PKHD1: variants seen among roughly 807,000 people sequenced by gnomAD.
PKHD1 encodes the protein fibrocystin.
In PKHD1, 291 loss-of-function variants were observed where a neutral mutation model predicts 412.0. The ratio of observed to expected loss-of-function variants is 0.71; its 90% CI spans 0.64 to 0.78. The LOEUF (loss-of-function observed/expected upper bound fraction) is 0.78. Ranked by LOEUF, PKHD1 falls within the 30% of genes least tolerant of loss-of-function variation. The pLI, the probability that PKHD1 is intolerant of heterozygous loss-of-function variation, is 0.00. For synonymous variants in PKHD1, 1,777 were observed against 1,821.5 expected (o/e 0.98, Z 0.62); for missense variants, 4,825 against 4,950.7 (o/e 0.97, Z 0.76).
At chr6:51,981,019 A>G (rs973557564) in intron 35 of PKHD1, among the ~76,000 whole-genome samples, 12 of 152,130 alleles carry the variant, frequency 7.9e-5, no homozygotes, top group African/African-American at 2.9e-4. Context: ...CTGTTGGAGG[A>G]AAAAATAAAA....
chr6:51,671,743 T>C (rs2150506500), intron 60 of PKHD1, among the ~76,000 whole-genome samples: 1 of 152,278 alleles, frequency 6.6e-6, no homozygotes, highest in South Asian at 2.1e-4. Context: ...ATGTCCTTTC[T>C]GTTTGTTAGT....
intron 61 of PKHD1, among the ~76,000 whole-genome samples, chr6:51,653,399 T>C (rs1166102597): frequency 6.6e-6 from 1 of 152,106 alleles, no homozygotes; most frequent in Admixed American, 6.6e-5. Flanking sequence ...AAGCCTGGCA[T>C]GTTGTAAGCA....
chr6:51,727,010 T>G (rs1416764249), intron 60 of PKHD1, among the ~76,000 whole-genome samples: 1 of 152,054 alleles, frequency 6.6e-6, no homozygotes, highest in Non-Finnish European at 1.5e-5. Flanking sequence ...GCGGGAGAGA[T>G]TCAAAGCATG....
rs1450624700 is a variant in PKHD1 at position 51,746,865 on chromosome 6, T to C, written c.9854A>G (p.Lys3285Arg). The change falls in exon 59 of 67, where the codon AAG becomes AGG. Residue 3285 changes from lysine to arginine, a missense_variant. By Grantham distance (26) the Lys-to-Arg change is conservative. Coordinates refer to ENST00000371117, the MANE Select transcript of PKHD1 (RefSeq NM_138694.4). Reference sequence around the variant, plus strand: ...ATCCAGGTCATCGCTATAGCAACTCTTCACAAAACTAGAAAAGGTAACATC... The same window carrying C: ...ATCCAGGTCATCGCTATAGCAACTCCTCACAAAACTAGAAAAGGTAACATC... ...LQDVTFSSFV[K>R]SCYSDDLDVC... 1.9e-6 allele frequency: 3 copies of C among 1,606,842 alleles called. No individual in the cohort carries two copies. Among genetic ancestry groups the C allele is most frequent in the Non-Finnish European group, 1.7e-6 (2 of 1,174,824 alleles).
At chr6:51,728,049 T>C (rs751230884) in intron 60 of PKHD1, among the ~76,000 whole-genome samples, 5 of 152,188 alleles carry the variant, frequency 3.3e-5, no homozygotes, top group African/African-American at 4.8e-5. Context: ...CTCCCATGCC[T>C]TATGCACATT....
chr6:51,732,382 C>A (rs1481903974), intron 60 of PKHD1, among the ~76,000 whole-genome samples: 2 of 152,044 alleles, frequency 1.3e-5, no homozygotes, highest in African/African-American at 4.8e-5. Flanking sequence ...ATTTGCAAAT[C>A]ATATGTCTAG....
At chr6:52,056,379 G>A (rs1807726443) in intron 18 of PKHD1, among the ~76,000 whole-genome samples, 1 of 151,948 alleles carries the variant, frequency 6.6e-6, no homozygotes, top group African/African-American at 2.4e-5. Context: ...GATTAGCATG[G>A]TTTTGGCTAT....
chr6:51,936,080 G>A (rs1787432465), intron 36 of PKHD1, among the ~76,000 whole-genome samples: 1 of 152,130 alleles, frequency 6.6e-6, no homozygotes. Context: ...TTCCTGAGGG[G>A]AATTATCTGT....
rs1246387815 is a variant in PKHD1, at chr6:52,055,630, G to A, written c.1793C>T (p.Pro598Leu). ...LRQPRHLVLTPPAAQKGYRLD... is the reference protein window; with the variant it reads ...LRQPRHLVLTLPAAQKGYRLD... ...CCGATAGCCCTTCTGGGCAGCCGGG[G>A]GAGTAAGGACAAGGTGTCGAGGCTG... Residue 598 changes from proline to leucine, a missense_variant, in exon 19 of 67, where the codon CCC (proline) becomes CTC (leucine). Coordinates refer to ENST00000371117, the MANE Select transcript of PKHD1 (RefSeq NM_138694.4). The A allele has an allele frequency of 6.2e-7, 1 of 1,613,894 alleles. No individual in the cohort carries two copies. The highest frequency in any genetic ancestry group is 1.3e-5 in the African/African-American group (1 of 74,930).
At chr6:51,707,579 T>C (rs896336595) in intron 60 of PKHD1, among the ~76,000 whole-genome samples, 6 of 152,174 alleles carry the variant, frequency 3.9e-5, no homozygotes, top group Admixed American at 3.3e-4. Flanking sequence ...GCTACCACTC[T>C]GTCCTTTTTC....
At position 52,050,209 on chromosome 6, in the gene PKHD1, C is replaced by T. The variant is rs757025734; in HGVS notation, c.2227G>A (p.Val743Ile). The T allele has an allele frequency of 6.2e-7, 1 of 1,614,196 alleles. No individual in the cohort carries two copies. The highest frequency in any genetic ancestry group is 2.2e-5 in the East Asian group (1 of 44,882). ...SVVGSPPVYS[V>I]TSWLAGCGTE... ...CCACACCCCGCCAGCCAGGAGGTGA[C>T]ACTGTAGACCGGAGGGGATCCCACC... The change falls in exon 22 of 67, where the codon GTC (valine) becomes ATC (isoleucine). Residue 743 changes from valine (V) to isoleucine (I), a missense_variant. Coordinates refer to ENST00000371117, the MANE Select transcript of PKHD1 (RefSeq NM_138694.4).
intron 34 of PKHD1, among the ~76,000 whole-genome samples, chr6:52,010,805 G>A (rs1220835038): frequency 6.6e-6 from 1 of 152,176 alleles, no homozygotes; most frequent in African/African-American, 2.4e-5. Flanking sequence ...AAACGTCTGG[G>A]AGAGTTTTTG....
At position 51,659,589 on chromosome 6, in the gene PKHD1, T is replaced by G; in HGVS notation, c.10537A>C (p.Ser3513Arg). ...LQSPHVFLGE[S>R]FIPPTLVQSA... ...TGAACCAGAGTGGGTGGAATAAAACTTTCCCCTAAGAAGACGTGGGGGCTC... is the reference window on the plus strand; with the variant it reads ...TGAACCAGAGTGGGTGGAATAAAACGTTCCCCTAAGAAGACGTGGGGGCTC... The change falls in exon 61 of 67, where the codon AGT becomes CGT. Residue 3513 changes from serine (S) to arginine (R), a missense_variant. Ser to Arg is a moderately radical substitution (Grantham distance 110). Transcript: ENST00000371117. The G allele has an allele frequency of 6.2e-7, 1 of 1,613,704 alleles. No homozygotes were observed. The highest frequency in any genetic ancestry group is 8.5e-7 in the Non-Finnish European group (1 of 1,179,844).
intron 50 of PKHD1, 50 bp downstream of exon 50, chr6:51,847,725 G>C (rs762173024): frequency 1.0e-5 from 13 of 1,275,698 alleles, no homozygotes; most frequent in Non-Finnish European, 6.9e-6. Context: ...AGGGTGATTG[G>C]TGATTTCTGA....
intron 35 of PKHD1, among the ~76,000 whole-genome samples, chr6:51,984,376 C>A (rs1197773944): frequency 6.6e-6 from 1 of 152,190 alleles, no homozygotes; most frequent in Non-Finnish European, 1.5e-5. Context: ...ACAAAGAAGG[C>A]TTTAGGCATT....
At chr6:51,709,442 C>G (rs1490465655) in intron 60 of PKHD1, among the ~76,000 whole-genome samples, 6 of 152,144 alleles carry the variant, frequency 3.9e-5, no homozygotes, top group Admixed American at 3.9e-4. Flanking sequence ...TTCCCTTTCC[C>G]TCTCAAGAGT....
At chr6:51,719,203 G>C (rs1781619646) in intron 60 of PKHD1, among the ~76,000 whole-genome samples, 1 of 152,048 alleles carries the variant, frequency 6.6e-6, no homozygotes, top group Non-Finnish European at 1.5e-5. Flanking sequence ...GTTAGATCAT[G>C]TTTAAGACAA....
intron 52 of PKHD1, among the ~76,000 whole-genome samples, chr6:51,807,881 G>C (rs1376022370): frequency 6.6e-6 from 1 of 151,986 alleles, no homozygotes; most frequent in African/African-American, 2.4e-5. Flanking sequence ...TGTAGAGATG[G>C]AAAGTAGATT....
At chr6:51,994,586 T>G (rs1416898839) in intron 35 of PKHD1, among the ~76,000 whole-genome samples, 6 of 152,148 alleles carry the variant, frequency 3.9e-5, no homozygotes, top group Admixed American at 6.5e-5. Flanking sequence ...GTTGTTTGTT[T>G]TTTTCCTTGA....
Sources: allele counts gnomAD v4.1 joint callset (sites outside exome capture counted in the v4.1 genomes callset), GRCh38; gene constraint gnomAD v4.1.1; transcripts MANE v1.5; gene names NCBI Gene and HGNC (gene_info 2026-07-23, HGNC 2026-07-21).